FMN1: variants seen among roughly 807,000 people sequenced by gnomAD.
The protein encoded by FMN1 is formin 1.
FMN1 carries 110 observed loss-of-function variants against 132.4 expected under a neutral mutation model. That is an observed-to-expected ratio of 0.83 (90% CI 0.71 to 0.97). The LOEUF (loss-of-function observed/expected upper bound fraction) is 0.97, where lower values mean the gene tolerates loss of function less well. Among genes scored for constraint, FMN1 ranks in the 50% least tolerant of loss-of-function variants. The pLI, the probability that FMN1 is intolerant of heterozygous loss-of-function variation, is 0.00. For missense variants in FMN1, 1,792 were observed against 1,705.3 expected, an observed-to-expected ratio of 1.05 and a Z score of -0.90; for synonymous variants, 722 against 651.7, an observed-to-expected ratio of 1.11 and a Z score of -1.64.
At chr15:32,797,866 ATCTTT>A (rs1383641136) in intron 19 of FMN1, among the ~76,000 whole-genome samples, 1 of 152,204 alleles carries the variant, frequency 6.6e-6, no homozygotes, top group Non-Finnish European at 1.5e-5. Flanking sequence ...TTATGTATAT[ATCTTT>A]TCTTTGATTA....
intron 7 of FMN1, among the ~76,000 whole-genome samples, chr15:32,998,715 G>T (rs2033922387): frequency 6.6e-6 from 1 of 152,146 alleles, no homozygotes; most frequent in African/African-American, 2.4e-5. Flanking sequence ...GCAATAAAAA[G>T]AAAACTGTCT....
rs527975398 is a variant in FMN1 at position 32,783,704 on chromosome 15, C to T, written c.4131-6785G>A. On this transcript the variant is annotated intron_variant, in intron 19 of 20. Coordinates refer to ENST00000616417, the MANE Select transcript of FMN1 (RefSeq NM_001277313.2). ...AGCTTGCAGTGAGCTGAGATTGTGCCACTGCACTCCAGCCTGGGCGACAGA... is the reference window on the plus strand; with the variant it reads ...AGCTTGCAGTGAGCTGAGATTGTGCTACTGCACTCCAGCCTGGGCGACAGA... Among the ~76,000 whole-genome samples the T allele has an allele frequency of 1.1e-3, 134 of 124,782 alleles. No individual in the cohort carries two copies. In the Middle Eastern group the frequency reaches 0.026, roughly 24 times the overall value. 81.9% of individuals were successfully genotyped at this position (124,782 alleles called of 152,430 possible).
chr15:32,997,134 T>C (rs1227207283), intron 7 of FMN1, among the ~76,000 whole-genome samples: 1 of 152,202 alleles, frequency 6.6e-6, no homozygotes. Context: ...TGACAAGTAT[T>C]AGAGGCACTT....
intron 4 of FMN1, among the ~76,000 whole-genome samples, chr15:33,103,462 T>A (rs1314001190): frequency 1.3e-5 from 2 of 152,122 alleles, no homozygotes; most frequent in Admixed American, 1.3e-4. Context: ...TTAGAATTAT[T>A]ACTCTCTGCT....
intron 3 of FMN1, among the ~76,000 whole-genome samples, chr15:33,174,723 T>G (rs1965453809): frequency 6.6e-6 from 1 of 151,332 alleles, no homozygotes; most frequent in Non-Finnish European, 1.5e-5. Flanking sequence ...ATATTCAGCA[T>G]ATATGATGTA....
At chr15:33,025,343 C>T (rs1460823345) in intron 6 of FMN1, among the ~76,000 whole-genome samples, 1 of 151,944 alleles carries the variant, frequency 6.6e-6, no homozygotes, top group East Asian at 1.9e-4. Context: ...ATTATATATA[C>T]CCCAGAACCA....
At chr15:33,135,630 A>G (rs1963732008) in intron 4 of FMN1, among the ~76,000 whole-genome samples, 2 of 152,208 alleles carry the variant, frequency 1.3e-5, no homozygotes, top group Admixed American at 6.5e-5. Flanking sequence ...AAGCTGGAGA[A>G]ACCGAGAGCT....
intron 3 of FMN1, among the ~76,000 whole-genome samples, chr15:33,173,042 C>T (rs1435043843): frequency 6.6e-6 from 1 of 152,078 alleles, no homozygotes; most frequent in African/African-American, 2.4e-5. Context: ...AGAACAATGA[C>T]GGAGCAGCTG....
chr15:33,034,329 G>C (rs1459272312), intron 6 of FMN1, among the ~76,000 whole-genome samples: 1 of 152,114 alleles, frequency 6.6e-6, no homozygotes, highest in African/African-American at 2.4e-5. Flanking sequence ...CCAGCACTTT[G>C]GGAGGCCAAG....
At chr15:33,161,746 G>A (rs755309598) in intron 3 of FMN1, among the ~76,000 whole-genome samples, 33 of 151,910 alleles carry the variant, frequency 2.2e-4, no homozygotes, top group Non-Finnish European at 2.5e-4. Flanking sequence ...GTGAAACCCC[G>A]TCTCCACTAA....
intron 10 of FMN1, among the ~76,000 whole-genome samples, chr15:32,920,838 G>A (rs953979700): frequency 5.9e-5 from 9 of 152,262 alleles, no homozygotes; most frequent in African/African-American, 1.7e-4. Context: ...TCCCTCATAC[G>A]TGGTCTCTTC....
Position 32,945,892 on chromosome 15 carries a change from T to C in FMN1, c.3138+18215A>G, listed in dbSNP as rs1567442309. Among the ~76,000 whole-genome samples the C allele has an allele frequency of 2.0e-5, 3 of 152,178 alleles. No homozygotes were observed. The South Asian group carries it at 6.2e-4, about 32-fold the overall frequency. ...ATACTTAGGGCACCTCACATTTTCC[T>C]TTTGCAGACAACTTCTCGCATAGTC... On this transcript the variant is annotated intron_variant, in intron 9 of 20. Coordinates refer to ENST00000616417, the MANE Select transcript of FMN1 (RefSeq NM_001277313.2).
intron 7 of FMN1, among the ~76,000 whole-genome samples, chr15:33,002,845 T>C (rs1362208136): frequency 6.6e-6 from 1 of 152,212 alleles, no homozygotes; most frequent in Admixed American, 6.5e-5. Context: ...GGTTGCTGGT[T>C]TCCTACTGAG....
chr15:33,070,709 T>C (rs2037965654), intron 5 of FMN1, among the ~76,000 whole-genome samples: 1 of 152,148 alleles, frequency 6.6e-6, no homozygotes, highest in Non-Finnish European at 1.5e-5. Context: ...CAACCATAGC[T>C]GAGAGAAGGT....
intron 7 of FMN1, among the ~76,000 whole-genome samples, chr15:32,971,512 TTC>T (rs764175293): frequency 9.2e-5 from 14 of 152,098 alleles, no homozygotes; most frequent in African/African-American, 1.4e-4. Flanking sequence ...CCATCTTCAT[TTC>T]TCTCTCTCTT....
intron 12 of FMN1, among the ~76,000 whole-genome samples, chr15:32,903,363 A>G (rs1257788415): frequency 2.0e-5 from 3 of 152,268 alleles, no homozygotes; most frequent in African/African-American, 7.2e-5. Context: ...TGAATATTAA[A>G]CAATTTATTC....
At chr15:32,797,231 T>G (rs1400054338) in intron 19 of FMN1, among the ~76,000 whole-genome samples, 1 of 152,206 alleles carries the variant, frequency 6.6e-6, no homozygotes, top group Non-Finnish European at 1.5e-5. Flanking sequence ...ATAAAGCAAT[T>G]AATTGCCTTC....
chr15:32,933,218 G>C (rs1180343763), intron 9 of FMN1, among the ~76,000 whole-genome samples: 1 of 151,880 alleles, frequency 6.6e-6, no homozygotes, highest in Non-Finnish European at 1.5e-5. Flanking sequence ...TTTCCCTTTT[G>C]GTTTCTTCTT....
intron 7 of FMN1, among the ~76,000 whole-genome samples, chr15:32,981,496 C>T (rs185532241): frequency 9.9e-4 from 147 of 148,566 alleles, no homozygotes; most frequent in African/African-American, 3.5e-3. Context: ...CCAGCCTGGG[C>T]AACAGAGCAA....
Sources: allele counts gnomAD v4.1 joint callset (sites outside exome capture counted in the v4.1 genomes callset), GRCh38; gene constraint gnomAD v4.1.1; transcripts MANE v1.5; gene names NCBI Gene and HGNC (gene_info 2026-07-23, HGNC 2026-07-21).